The following B4GALT6 variants were observed in gnomAD, a reference collection of about 807,000 sequenced individuals.
B4GALT6 encodes the protein UDP-Gal:beta-GlcNAc beta-1,4-galactosyltransferase 6.
A neutral mutation model predicts 46.3 loss-of-function variants in B4GALT6; 14 were observed. The observed-to-expected ratio is 0.30, with a 90% CI of 0.20 to 0.47. B4GALT6 has a LOEUF of 0.47. B4GALT6 is among the 20% of genes least tolerant of loss of function. The pLI is 0.99. For synonymous variants in B4GALT6, 168 were observed against 162.0 expected, an observed-to-expected ratio of 1.04 and a Z score of -0.28; for missense variants, 386 against 480.1, an observed-to-expected ratio of 0.80 and a Z score of 1.83.
the B4GALT6 span, among the ~76,000 whole-genome samples, chr18:31,721,044 T>C: frequency 9.5e-4 from 145 of 152,356 alleles, no homozygotes; most frequent in African/African-American, 3.4e-3. Flanking sequence ...AGTGTTCTTG[T>C]GCATTCTGCT....
chr18:31,662,901 A>G (rs1274779362), intron 2 of B4GALT6, among the ~76,000 whole-genome samples: 2 of 152,220 alleles, frequency 1.3e-5, no homozygotes, highest in African/African-American at 4.8e-5. Context: ...TTGTTAGGTG[A>G]GCAATGTCCA....
At chr18:31,694,728 T>G in the B4GALT6 span, among the ~76,000 whole-genome samples, 1 of 152,332 alleles carries the variant, frequency 6.6e-6, no homozygotes, top group East Asian at 1.9e-4. Context: ...AAATGTTCCC[T>G]GTTTTTGCTA....
chr18:31,674,241 T>C (rs539540068), intron 1 of B4GALT6, among the ~76,000 whole-genome samples: 1 of 152,098 alleles, frequency 6.6e-6, no homozygotes, highest in African/African-American at 2.4e-5. Flanking sequence ...ATAAGTAGAA[T>C]TAAAAACTCA....
At chr18:31,659,063 TC>T (rs1367234673) in intron 2 of B4GALT6, among the ~76,000 whole-genome samples, 1 of 152,080 alleles carries the variant, frequency 6.6e-6, no homozygotes, top group African/African-American at 2.4e-5. Flanking sequence ...GAGAATGACA[TC>T]AACATGCAAT....
chr18:31,635,038 C>T (rs553044358), intron 5 of B4GALT6, among the ~76,000 whole-genome samples: 1 of 152,022 alleles, frequency 6.6e-6, no homozygotes, highest in Non-Finnish European at 1.5e-5. Flanking sequence ...GTCAGGAGAT[C>T]GAGACCATCC....
At chr18:31,650,711 A>C (rs1356698434) in intron 3 of B4GALT6, among the ~76,000 whole-genome samples, 1 of 152,218 alleles carries the variant, frequency 6.6e-6, no homozygotes, top group Non-Finnish European at 1.5e-5. Flanking sequence ...TTTGCAACCA[A>C]GAACCCTGAC....
chr18:31,693,745 ATTGC>A, the B4GALT6 span, among the ~76,000 whole-genome samples: 1 of 151,902 alleles, frequency 6.6e-6, no homozygotes, highest in African/African-American at 2.4e-5. Flanking sequence ...AGGTGGGAGG[ATTGC>A]TTGAGCCCAG....
At chr18:31,645,531 C>G in intron 3 of B4GALT6, 52 bp from the exon 4 acceptor site, 1 of 1,558,600 alleles carries the variant, frequency 6.4e-7, no homozygotes, top group Non-Finnish European at 8.7e-7. Context: ...CCTCAAAGAT[C>G]TAGTAGAACA....
the B4GALT6 span, among the ~76,000 whole-genome samples, chr18:31,721,998 A>G: frequency 1.3e-5 from 2 of 152,110 alleles, no homozygotes; most frequent in East Asian, 3.9e-4. Context: ...CCTTCGAACT[A>G]GGAATTCTAC....
Position 31,626,979 on chromosome 18 carries a change from C to T in B4GALT6, c.899+20G>A. The T allele has an allele frequency of 6.3e-7, 1 of 1,589,082 alleles. No individual in the cohort carries two copies. Among genetic ancestry groups the T allele is most frequent in the Non-Finnish European group, 8.5e-7 (1 of 1,170,950 alleles). On this transcript the variant is annotated intron_variant, in intron 7 of 8. Transcript: ENST00000306851. Reference sequence around the variant, plus strand: ...GATTTATAAAAATTCTATTAGTGAACAATTTGTACCTCAACATACCTGTTC... The same window carrying T: ...GATTTATAAAAATTCTATTAGTGAATAATTTGTACCTCAACATACCTGTTC...
chr18:31,626,188 C>A, intron 8 of B4GALT6, 95 bp downstream of exon 8: 1 of 647,534 alleles, frequency 1.5e-6, no homozygotes, highest in South Asian at 3.1e-5. Context: ...AAATTCCCTT[C>A]AGCAGCTTTT....
intron 5 of B4GALT6, among the ~76,000 whole-genome samples, chr18:31,635,942 A>G (rs1343447241): frequency 6.6e-6 from 1 of 152,260 alleles, no homozygotes; most frequent in Non-Finnish European, 1.5e-5. Context: ...AAGGAAATAA[A>G]GCCTAGCAGA....
At chr18:31,630,148 A>G (rs2073767988) in intron 6 of B4GALT6, among the ~76,000 whole-genome samples, 1 of 151,454 alleles carries the variant, frequency 6.6e-6, no homozygotes, top group South Asian at 2.1e-4. Context: ...GAGGAAGAAG[A>G]AGAAAGAAAC....
chr18:31,664,160 A>AAT (rs2074254633), intron 2 of B4GALT6, among the ~76,000 whole-genome samples: 1 of 51,126 alleles, frequency 2.0e-5, no homozygotes, highest in Admixed American at 2.0e-4. Context: ...CCCAAGTTCA[A>AAT]ACAGCAGCCA....
the B4GALT6 span, among the ~76,000 whole-genome samples, chr18:31,699,636 GAAAAAAAAA>G: frequency 1.6e-4 from 17 of 104,148 alleles, no homozygotes; most frequent in African/African-American, 5.7e-4. Flanking sequence ...TCTCTTCCTG[GAAAAAAAAA>G]AAAAAAAAAA....
intron 3 of B4GALT6, among the ~76,000 whole-genome samples, chr18:31,655,329 G>A (rs2074124731): frequency 6.6e-6 from 1 of 152,220 alleles, no homozygotes; most frequent in African/African-American, 2.4e-5. Context: ...ACAAAATTGG[G>A]ACAGGACCCA....
Position 31,666,295 on chromosome 18 carries a change from T to A in B4GALT6, c.193A>T (p.Arg65Trp). 6.2e-7 allele frequency: 1 copy of A among 1,609,016 alleles called. No homozygotes were observed. Among genetic ancestry groups the A allele is most frequent in the Non-Finnish European group, 8.5e-7 (1 of 1,177,246 alleles). The change falls in exon 2 of 9, where the codon AGG (arginine) becomes TGG (tryptophan). Residue 65 changes from arginine (R) to tryptophan (W), a missense_variant. Physicochemically the swap from Arg to Trp is moderately radical, Grantham distance 101 (BLOSUM62 -3). Transcript: ENST00000306851. ...ENVKTIGHMI[R>W]LYTNKNSTLN... ...GTACTGTTTTTATTTGTGTACAGCC[T>A]GATCATATGACCTATTGTTTTCACA...
chr18:31,655,473 C>T (rs1040848602), intron 3 of B4GALT6, among the ~76,000 whole-genome samples: 2 of 152,134 alleles, frequency 1.3e-5, no homozygotes, highest in Non-Finnish European at 2.9e-5. Context: ...CCCTCCCCAC[C>T]CCCAGTGAAA....
the B4GALT6 span, among the ~76,000 whole-genome samples, chr18:31,713,042 T>C: frequency 1.9e-4 from 29 of 152,338 alleles, no homozygotes; most frequent in African/African-American, 6.7e-4. Flanking sequence ...AAAAGTAACA[T>C]TCTTATCTAA....
Sources: allele counts gnomAD v4.1 joint callset (sites outside exome capture counted in the v4.1 genomes callset), GRCh38; gene constraint gnomAD v4.1.1; transcripts MANE v1.5; gene names NCBI Gene and HGNC (gene_info 2026-07-23, HGNC 2026-07-21).